Variants in SPATA9 observed in about 807,000 individuals in gnomAD.
SPATA9 encodes spermatogenesis associated 9.
A neutral mutation model predicts 25.5 loss-of-function variants in SPATA9; 27 were observed. The ratio of observed to expected loss-of-function variants is 1.06; its 90% CI spans 0.78 to 1.46. SPATA9 has a LOEUF of 1.46. SPATA9 is among the 40% of genes most tolerant of loss of function. The pLI is 0.00. For missense variants in SPATA9, 282 were observed against 297.5 expected (o/e 0.95, Z 0.38); for synonymous variants, 102 against 105.7 (o/e 0.97, Z 0.21).
the SPATA9 span, among the ~76,000 whole-genome samples, chr5:95,729,934 G>A: frequency 2.6e-5 from 4 of 151,838 alleles, no homozygotes; most frequent in African/African-American, 9.7e-5. Context: ...CTTTGTTTTT[G>A]ACTTATGGGT....
At chr5:95,670,177 C>T (rs753504031) in intron 3 of SPATA9, among the ~76,000 whole-genome samples, 27 of 152,082 alleles carry the variant, frequency 1.8e-4, no homozygotes, top group Non-Finnish European at 3.2e-4. Context: ...ATCAGAAAGG[C>T]CCGGGTGGAT....
intron 3 of SPATA9, among the ~76,000 whole-genome samples, chr5:95,669,439 G>C (rs548177871): frequency 7.9e-5 from 12 of 152,206 alleles, no homozygotes; most frequent in Non-Finnish European, 1.3e-4. Context: ...ACTTTACATA[G>C]GTAAGTTTCT....
chr5:95,677,953 CA>C (rs1449722899), intron 2 of SPATA9, among the ~76,000 whole-genome samples: 3 of 152,064 alleles, frequency 2.0e-5, no homozygotes, highest in African/African-American at 7.2e-5. Context: ...TTGAAATTTG[CA>C]AGTGTAAACC....
chr5:95,673,773 C>G (rs1047882837), intron 3 of SPATA9, among the ~76,000 whole-genome samples: 1 of 144,940 alleles, frequency 6.9e-6, no homozygotes, highest in Non-Finnish European at 1.5e-5. Context: ...TAGACAGAGT[C>G]TTGCTCTGTT....
At chr5:95,712,047 A>AG in the SPATA9 span, among the ~76,000 whole-genome samples, 1 of 152,108 alleles carries the variant, frequency 6.6e-6, no homozygotes, top group African/African-American at 2.4e-5. Flanking sequence ...CATGCACTGG[A>AG]GGGGGCTCCA....
chr5:95,675,421 A>G lies in SPATA9; in HGVS notation c.369T>C (p.Tyr123=), dbSNP rs748678540. The part of the protein sequence containing the change: ...REVNAPRQPL[Y]NIQVRKGSLF... ...TGCAGTATTCCCTTACCTGAATGTT[A>G]TATAGGGGTTGCCTCGGCGCATTAA... is the stretch of plus-strand genomic sequence containing the variant. Residue 123 remains tyrosine, a synonymous_variant, in exon 3 of 5, where the codon TAT becomes TAC. Transcript: ENST00000274432. The G allele has an allele frequency of 6.2e-7, 1 of 1,613,950 alleles. No homozygotes were observed. Among genetic ancestry groups the G allele is most frequent in the South Asian group, 1.1e-5 (1 of 91,036 alleles).
Position 95,664,621 on chromosome 5 carries a change from T to C in SPATA9, c.379-573A>G, listed in dbSNP as rs148460982. Among the ~76,000 whole-genome samples, 620 of 152,332 alleles carry C rather than the reference T, an allele frequency of 4.1e-3. 7 individuals are homozygous for C. Among genetic ancestry groups the C allele is most frequent in the South Asian group, 9.3e-3 (45 of 4,830 alleles). On this transcript the variant is annotated intron_variant, in intron 3 of 4. Transcript: ENST00000274432. ...AAGTTGCCTCTCCTGTGTTTCTAGTTTCTGGCAGTAGGTGTACCGGCCTGA... is the reference window on the plus strand; with the variant it reads ...AAGTTGCCTCTCCTGTGTTTCTAGTCTCTGGCAGTAGGTGTACCGGCCTGA...
At chr5:95,731,296 C>T in the SPATA9 span, 3 of 1,038,706 alleles carry the variant, frequency 2.9e-6, no homozygotes, top group African/African-American at 5.1e-5. Context: ...CTCCCCGACC[C>T]CCCTTCTCTG....
At chr5:95,677,766 C>A (rs1395717841) in intron 2 of SPATA9, among the ~76,000 whole-genome samples, 15 of 152,048 alleles carry the variant, frequency 9.9e-5, no homozygotes, top group Admixed American at 8.5e-4. Flanking sequence ...TACAAGATAA[C>A]AGAAAAAAGA....
upstream of SPATA9, among the ~76,000 whole-genome samples, chr5:95,685,983 C>T (rs1464948685): frequency 6.6e-6 from 1 of 152,074 alleles, no homozygotes; most frequent in Non-Finnish European, 1.5e-5. Context: ...ACTACAGGCA[C>T]CCGCGACCAC....
At chr5:95,679,499 T>C (rs1006856511) in intron 2 of SPATA9, among the ~76,000 whole-genome samples, 1 of 152,218 alleles carries the variant, frequency 6.6e-6, no homozygotes, top group Non-Finnish European at 1.5e-5. Context: ...GCCTTACCTC[T>C]CATGCTTAGC....
chr5:95,704,177 C>G, the SPATA9 span, among the ~76,000 whole-genome samples: 7,146 of 152,252 alleles, frequency 0.047, 532 homozygotes, highest in African/African-American at 0.16. Context: ...CTCTACATTT[C>G]TCTAGATTTT....
the SPATA9 span, among the ~76,000 whole-genome samples, chr5:95,718,889 G>A: frequency 6.6e-6 from 1 of 152,148 alleles, no homozygotes; most frequent in East Asian, 1.9e-4. Context: ...GCACAAGCAG[G>A]GAACAACTGG....
At chr5:95,709,200 T>C in the SPATA9 span, among the ~76,000 whole-genome samples, 1 of 152,190 alleles carries the variant, frequency 6.6e-6, no homozygotes, top group South Asian at 2.1e-4. Flanking sequence ...AGGAATTGGA[T>C]TGGGATGGGC....
rs749181675 is a variant in SPATA9 at position 95,670,180 on chromosome 5, G to A, written c.378+5232C>T. 2.6e-5 allele frequency among the ~76,000 whole-genome samples: 4 copies of A among 152,200 alleles called. No homozygotes were observed. The East Asian group carries it at 5.8e-4, about 22-fold the overall frequency. ...GCTGAACATCCAATCAGAAAGGCCC[G>A]GGTGGATGGCAGAGGGAGCTCCTGA... On this transcript the variant is annotated intron_variant, in intron 3 of 4. Transcript: ENST00000274432.
At position 95,673,487 on chromosome 5, in the gene SPATA9, G is replaced by A. The variant is rs577703173; in HGVS notation, c.378+1925C>T. On this transcript the variant is annotated intron_variant, in intron 3 of 4. Coordinates refer to ENST00000274432, the MANE Select transcript of SPATA9 (RefSeq NM_031952.4). ...TCAGATCCTTCACAGTTCTGACTTAGTAGAGAAGCAAAAAGGAAGACCCTG... is the reference window on the plus strand; with the variant it reads ...TCAGATCCTTCACAGTTCTGACTTAATAGAGAAGCAAAAAGGAAGACCCTG... 3.3e-5 allele frequency among the ~76,000 whole-genome samples: 5 copies of A among 152,192 alleles called. No homozygotes were observed. The South Asian group carries it at 1.0e-3, about 32-fold the overall frequency.
In SPATA9 at chr5:95,673,694, G is replaced by A. The variant is rs143059040; in HGVS notation, c.378+1718C>T. On this transcript the variant is annotated intron_variant, in intron 3 of 4. Transcript: ENST00000274432. ...TTTCAGTGGGGATTTAAGATAATATGGTTTAGCTTTGTTTCTTTTTTGCTT... is the reference window on the plus strand; with the variant it reads ...TTTCAGTGGGGATTTAAGATAATATAGTTTAGCTTTGTTTCTTTTTTGCTT... Among the ~76,000 whole-genome samples the A allele has an allele frequency of 5.2e-3, 792 of 151,756 alleles. 11 individuals are homozygous for A. Among genetic ancestry groups the A allele is most frequent in the African/African-American group, 0.019 (769 of 41,386 alleles).
At chr5:95,690,967 G>T (rs1753873620) in intron 1 of SPATA9, among the ~76,000 whole-genome samples, 1 of 151,022 alleles carries the variant, frequency 6.6e-6, no homozygotes, top group South Asian at 2.1e-4. Flanking sequence ...TTTTTTCTAG[G>T]CCCTCAGTTA....
At chr5:95,731,575 GCGGC>G in the SPATA9 span, 3 of 1,518,628 alleles carry the variant, frequency 2.0e-6, no homozygotes, top group Non-Finnish European at 2.6e-6. Flanking sequence ...CGAGGGGGAC[GCGGC>G]CGGGGATGAG....
Sources: allele counts gnomAD v4.1 joint callset (sites outside exome capture counted in the v4.1 genomes callset), GRCh38; gene constraint gnomAD v4.1.1; transcripts MANE v1.5; gene names NCBI Gene and HGNC (gene_info 2026-07-23, HGNC 2026-07-21).